Variants in HNRNPUL1 observed in about 807,000 individuals in gnomAD.
HNRNPUL1 encodes heterogeneous nuclear ribonucleoprotein U-like protein 1.
Under a neutral mutation model 108.5 loss-of-function variants are expected in HNRNPUL1, and 14 were observed. The ratio of observed to expected loss-of-function variants is 0.13; its 90% CI spans 0.09 to 0.20. The LOEUF (loss-of-function observed/expected upper bound fraction) is 0.20, where lower values mean the gene tolerates loss of function less well. Among genes scored for constraint, HNRNPUL1 ranks in the 10% least tolerant of loss-of-function variants. HNRNPUL1 has a pLI of 1.00. For missense variants in HNRNPUL1, 804 were observed against 1,168.3 expected, an observed-to-expected ratio of 0.69 and a Z score of 4.55; for synonymous variants, 422 against 445.2, an observed-to-expected ratio of 0.95 and a Z score of 0.66.
rs559527303 is a variant in HNRNPUL1 at position 41,265,218 on chromosome 19, G to C, written c.295+420G>C. 4.4e-5 allele frequency: 67 copies of C among 1,518,828 alleles called. 1 individual carries two copies. In the East Asian group the frequency reaches 1.3e-3, roughly 30 times the overall value. The allele number at this position is 1,518,828 out of a possible 1,614,324, so 94.1% of individuals were successfully genotyped here. Reference sequence around the variant, plus strand: ...TCGTGCTAGCCCAGCGTGTGGGCTGGGGGGTGGGGAGCCGTGTTTCCAGGG... The same window carrying C: ...TCGTGCTAGCCCAGCGTGTGGGCTGCGGGGTGGGGAGCCGTGTTTCCAGGG... On this transcript the variant is annotated intron_variant, in intron 1 of 14. Transcript: ENST00000392006.
At position 41,306,648 on chromosome 19, in the gene HNRNPUL1, G is replaced by C. The variant is rs530952219; in HGVS notation, c.*83G>C. The C allele has an allele frequency of 3.7e-4, 304 of 829,614 alleles. 1 individual carries two copies. Among genetic ancestry groups the C allele is most frequent in the Non-Finnish European group, 4.7e-4 (262 of 556,836 alleles). 51.4% of individuals were successfully genotyped at this position (829,614 alleles called of 1,614,324 possible). ...CTCGGCCCCTCCTCTGCCCCCGCCAGATCCCGTGGTGCTGGGGATGGGGTC... is the reference window on the plus strand; with the variant it reads ...CTCGGCCCCTCCTCTGCCCCCGCCACATCCCGTGGTGCTGGGGATGGGGTC... On this transcript the variant is annotated 3_prime_UTR_variant, in exon 15 of 15. Transcript: ENST00000392006.
At chr19:41,276,536 A>G in intron 5 of HNRNPUL1, 1 of 423,606 alleles carries the variant, frequency 2.4e-6, no homozygotes, top group African/African-American at 2.0e-5. Context: ...GTGAGATTTG[A>G]CCCAGGTATT....
intron 4 of HNRNPUL1, among the ~76,000 whole-genome samples, chr19:41,275,601 C>G (rs1170934973): frequency 1.3e-5 from 2 of 152,204 alleles, no homozygotes; most frequent in Non-Finnish European, 2.9e-5. Context: ...GAAGCCCCAT[C>G]CTTGGATCCC....
intron 10 of HNRNPUL1, among the ~76,000 whole-genome samples, chr19:41,297,747 A>G (rs1025766115): frequency 3.3e-5 from 5 of 152,166 alleles, no homozygotes; most frequent in Non-Finnish European, 1.5e-5. Context: ...AGTTAGAATC[A>G]GGGCTGGATG....
Position 41,292,634 on chromosome 19 carries a change from C to T in HNRNPUL1, c.1266+123C>T. ...GGGGCAAGTGGCCACTTTGTCCCAGCTCCTCAGGGTTGGACTCAGAGCTGA... is the reference window on the plus strand; with the variant it reads ...GGGGCAAGTGGCCACTTTGTCCCAGTTCCTCAGGGTTGGACTCAGAGCTGA... On this transcript the variant is annotated intron_variant, in intron 8 of 14. Transcript: ENST00000392006. This position sits in a 1 kb window ranked among gnomAD's most constrained non-coding sequence, Gnocchi z 4.1. 2 of 1,222,042 alleles carry T rather than the reference C, an allele frequency of 1.6e-6. No homozygotes were observed. Among genetic ancestry groups the T allele is most frequent in the South Asian group, 1.4e-5 (1 of 73,264 alleles). 75.7% of individuals were successfully genotyped at this position (1,222,042 alleles called of 1,614,324 possible).
At chr19:41,303,155 C>T (rs533151111) in intron 12 of HNRNPUL1, among the ~76,000 whole-genome samples, 4 of 152,254 alleles carry the variant, frequency 2.6e-5, no homozygotes, top group East Asian at 1.9e-4. Context: ...AAGCCCTTTG[C>T]CCATTTGCAT....
chr19:41,272,664 C>G (rs2035313428), intron 3 of HNRNPUL1, among the ~76,000 whole-genome samples: 1 of 152,220 alleles, frequency 6.6e-6, no homozygotes, highest in African/African-American at 2.4e-5. Context: ...GGGCTGGACA[C>G]TAGCAACATA....
chr19:41,300,576 C>T (rs1327005969), intron 10 of HNRNPUL1, among the ~76,000 whole-genome samples: 2 of 152,106 alleles, frequency 1.3e-5, no homozygotes, highest in African/African-American at 2.4e-5. Context: ...AAGTAGTGTC[C>T]TCGTGATTCA....
At chr19:41,280,810 G>A (rs557734247) in intron 6 of HNRNPUL1, 114 of 231,370 alleles carry the variant, frequency 4.9e-4, no homozygotes, top group Non-Finnish European at 5.7e-4. Context: ...AAGTAGACTG[G>A]ACTGAATATT....
intron 1 of HNRNPUL1, 184 bp from the exon 2 acceptor site, chr19:41,268,039 G>T: frequency 2.0e-6 from 1 of 500,152 alleles, no homozygotes; most frequent in Non-Finnish European, 3.4e-6. Flanking sequence ...GCTTCAGTGG[G>T]GCAAGCTTGT....
Position 41,294,772 on chromosome 19 carries a change from T to C in HNRNPUL1, c.1518+86T>C, listed in dbSNP as rs2036788575. The C allele has an allele frequency of 1.3e-6, 2 of 1,526,772 alleles. No individual in the cohort carries two copies. The highest frequency in any genetic ancestry group is 4.5e-5 in the East Asian group (2 of 44,156). 94.6% of individuals were successfully genotyped at this position (1,526,772 alleles called of 1,614,324 possible). On this transcript the variant is annotated intron_variant, in intron 10 of 14. Transcript: ENST00000392006. The surrounding 1 kb of genome is among the most constrained non-coding windows in gnomAD (Gnocchi z 4.3). ...AATCTCCCTCTGGTCCCTTTCTTTT[T>C]TCCCCCGTAATGATGATGGACTGCT...
At chr19:41,277,581 A>G (rs2035646174) in intron 5 of HNRNPUL1, among the ~76,000 whole-genome samples, 1 of 152,142 alleles carries the variant, frequency 6.6e-6, no homozygotes. Context: ...ATCTCGGCTC[A>G]CTGCAACCTC....
chr19:41,273,999 C>T lies in HNRNPUL1; in HGVS notation c.590C>T (p.Pro197Leu). Residue 197 changes from proline (P) to leucine (L), a missense_variant, in exon 4 of 15, where the codon CCT becomes CTT. Pro to Leu is a moderately conservative substitution (Grantham distance 98). This residue lies in a region of HNRNPUL1 where 174 missense variants were observed against 296.6 expected (regional missense o/e 0.59). Coordinates refer to ENST00000392006, the MANE Select transcript of HNRNPUL1 (RefSeq NM_007040.6). ...TAATACAGGGGCCGCTCTCCTCAGC[C>T]TCCTGCTGAAGAGGATGAAGATGAC... ...REDRRGRSPQ[P>L]PAEEDEDDFD... The T allele has an allele frequency of 6.2e-7, 1 of 1,613,908 alleles. No homozygotes were observed. The highest frequency in any genetic ancestry group is 1.7e-5 in the Admixed American group (1 of 60,024).
intron 7 of HNRNPUL1, among the ~76,000 whole-genome samples, chr19:41,284,017 G>A (rs2036061950): frequency 6.6e-6 from 1 of 152,210 alleles, no homozygotes; most frequent in Non-Finnish European, 1.5e-5. Context: ...CTTCACGTGA[G>A]CAGTTCTTTT....
chr19:41,298,669 T>C (rs1309096144), intron 10 of HNRNPUL1: 2 of 152,032 alleles, frequency 1.3e-5, no homozygotes, highest in Non-Finnish European at 2.9e-5. Flanking sequence ...GCACCTCAAT[T>C]CCAAAGTGCC....
chr19:41,276,858 G>A (rs2035586839), intron 5 of HNRNPUL1: 1 of 152,536 alleles, frequency 6.6e-6, no homozygotes, highest in Non-Finnish European at 1.5e-5. Flanking sequence ...CAGCACTTTT[G>A]GGAGGCCAAG....
chr19:41,301,412 G>C (rs2037203107), intron 10 of HNRNPUL1, 124 bp from the exon 11 acceptor site: 3 of 742,154 alleles, frequency 4.0e-6, no homozygotes, highest in Non-Finnish European at 6.4e-6. Context: ...TGTTTCCTGA[G>C]TTTCTCTGCT....
intron 4 of HNRNPUL1, 74 bp from the exon 5 acceptor site, chr19:41,276,085 A>G (rs943924979): frequency 6.3e-7 from 1 of 1,597,408 alleles, no homozygotes; most frequent in Non-Finnish European, 8.5e-7. Flanking sequence ...CCTGGGCAAA[A>G]AGAGTGAAAC....
chr19:41,287,877 A>G (rs2036333803), intron 7 of HNRNPUL1, among the ~76,000 whole-genome samples: 1 of 152,158 alleles, frequency 6.6e-6, no homozygotes, highest in Non-Finnish European at 1.5e-5. Flanking sequence ...TGTTTTCAAT[A>G]AAACATTTTT....
Sources: allele counts gnomAD v4.1 joint callset (sites outside exome capture counted in the v4.1 genomes callset), GRCh38; gene constraint gnomAD v4.1.1; regional missense constraint gnomAD v4.1.1; non-coding constraint Gnocchi (gnomAD v3.1); transcripts MANE v1.5; gene names NCBI Gene and HGNC (gene_info 2026-07-23, HGNC 2026-07-21).